The following CSRNP3 variants were observed in gnomAD, a reference collection of about 807,000 sequenced individuals.
The protein encoded by CSRNP3 is cysteine/serine-rich nuclear protein 3.
In CSRNP3, 12 loss-of-function variants were observed where a neutral mutation model predicts 48.0. The observed-to-expected ratio is 0.25, with a 90% CI of 0.16 to 0.41. The LOEUF is 0.41. Ranked by LOEUF, CSRNP3 falls within the 10% of genes least tolerant of loss-of-function variation. CSRNP3 has a pLI of 1.00. For missense variants in CSRNP3, 580 were observed against 724.4 expected (o/e 0.80, Z 2.29); for synonymous variants, 263 against 269.7 (o/e 0.98, Z 0.24).
At chr2:165,646,536 G>A (rs983914107) in intron 4 of CSRNP3, among the ~76,000 whole-genome samples, 4 of 152,158 alleles carry the variant, frequency 2.6e-5, no homozygotes, top group African/African-American at 9.7e-5. Context: ...CAGCAAAACA[G>A]GTTAGTAGAG....
chr2:165,479,123 A>C (rs1684005819), intron 1 of CSRNP3, among the ~76,000 whole-genome samples: 1 of 152,192 alleles, frequency 6.6e-6, no homozygotes, highest in Admixed American at 6.5e-5. Flanking sequence ...CAAAAATCAC[A>C]AATGAAATGT....
In CSRNP3 at chr2:165,482,586, G is replaced by C. The variant is rs1558912608; in HGVS notation, c.-282-12173G>C. On this transcript the variant is annotated intron_variant, in intron 1 of 6. Coordinates refer to ENST00000651982, the MANE Select transcript of CSRNP3 (RefSeq NM_001172173.2). ...AGTCAACAGATGTGCTTTTGCCTGA[G>C]GGATACAGATATCACCACAAATTCA... Among the ~76,000 whole-genome samples, 9 of 152,086 alleles carry C rather than the reference G, an allele frequency of 5.9e-5. No individual in the cohort carries two copies. In the South Asian group the frequency reaches 1.9e-3, roughly 32 times the overall value.
At chr2:165,668,217 C>A (rs1316296718) in intron 5 of CSRNP3, among the ~76,000 whole-genome samples, 1 of 152,016 alleles carries the variant, frequency 6.6e-6, no homozygotes, top group Non-Finnish European at 1.5e-5. Flanking sequence ...AAGAGTAATA[C>A]GTTAGCTCAA....
chr2:165,556,799 T>C (rs1163057401), intron 3 of CSRNP3, among the ~76,000 whole-genome samples: 2 of 152,186 alleles, frequency 1.3e-5, no homozygotes, highest in Non-Finnish European at 2.9e-5. Context: ...ACAATATCAA[T>C]ATAGCAATGC....
chr2:165,606,289 A>G (rs894803657), intron 4 of CSRNP3, among the ~76,000 whole-genome samples: 3 of 150,568 alleles, frequency 2.0e-5, no homozygotes, highest in Admixed American at 6.6e-5. Flanking sequence ...AAAAGGAGAT[A>G]TTTGTAAATC....
chr2:165,590,747 G>A (rs1158556574), intron 3 of CSRNP3, among the ~76,000 whole-genome samples: 2 of 152,164 alleles, frequency 1.3e-5, no homozygotes, highest in Non-Finnish European at 2.9e-5. Flanking sequence ...AGAAGGACGT[G>A]TTTGCTTCCC....
At chr2:165,618,205 AG>A (rs1247739047) in intron 4 of CSRNP3, among the ~76,000 whole-genome samples, 1 of 152,142 alleles carries the variant, frequency 6.6e-6, no homozygotes, top group African/African-American at 2.4e-5. Context: ...TGGTTTACTG[AG>A]GATCTCTCAC....
In CSRNP3 at chr2:165,683,568, C is replaced by T. The variant is rs527640071; in HGVS notation, c.*3815C>T. On this transcript the variant is annotated 3_prime_UTR_variant, in exon 7 of 7. Coordinates refer to ENST00000651982, the MANE Select transcript of CSRNP3 (RefSeq NM_001172173.2). ...TTGCTAATCACTGTTTCTTTTATTTCAATTTTTGATATTGTTGCACAAGTT... is the reference window on the plus strand; with the variant it reads ...TTGCTAATCACTGTTTCTTTTATTTTAATTTTTGATATTGTTGCACAAGTT... 1 of 152,142 alleles carries T rather than the reference C, an allele frequency of 6.6e-6. No homozygotes were observed. The highest frequency in any genetic ancestry group is 1.9e-4 in the East Asian group (1 of 5,178). The allele number at this position is 152,142 out of a possible 1,614,324, so 9.4% of individuals were successfully genotyped here.
At chr2:165,483,675 G>A (rs1233535569) in intron 1 of CSRNP3, among the ~76,000 whole-genome samples, 2 of 152,184 alleles carry the variant, frequency 1.3e-5, no homozygotes, top group Non-Finnish European at 2.9e-5. Flanking sequence ...GAGGATGGAA[G>A]TCCAAGATCA....
intron 3 of CSRNP3, among the ~76,000 whole-genome samples, chr2:165,560,003 G>A (rs1164479797): frequency 2.0e-5 from 3 of 151,704 alleles, no homozygotes; most frequent in African/African-American, 7.3e-5. Flanking sequence ...GTTTCACCAA[G>A]TTAGCCAGGA....
intron 5 of CSRNP3, among the ~76,000 whole-genome samples, chr2:165,660,432 A>G: frequency 6.6e-6 from 1 of 152,184 alleles, no homozygotes; most frequent in East Asian, 1.9e-4. Context: ...TCCTATAGGC[A>G]TTGAGAAAGA....
In CSRNP3 at chr2:165,676,649, G is replaced by A. The variant is rs1687430834; in HGVS notation, c.705+41G>A. 3.2e-6 allele frequency: 5 copies of A among 1,570,232 alleles called. No homozygotes were observed. In the East Asian group the frequency reaches 1.1e-4, roughly 35 times the overall value. On this transcript the variant is annotated intron_variant, in intron 6 of 6. Coordinates refer to ENST00000651982, the MANE Select transcript of CSRNP3 (RefSeq NM_001172173.2). Reference sequence around the variant, plus strand: ...TCAGGGCATCCAAAGACAAGACATTGTCTACCACCCCCTAAGGAGGCAGTC... The same window carrying A: ...TCAGGGCATCCAAAGACAAGACATTATCTACCACCCCCTAAGGAGGCAGTC...
At chr2:165,672,627 G>A (rs1687349941) in intron 5 of CSRNP3, among the ~76,000 whole-genome samples, 1 of 152,164 alleles carries the variant, frequency 6.6e-6, no homozygotes, top group South Asian at 2.1e-4. Flanking sequence ...CATCATGGAG[G>A]AAAGGAGTCA....
chr2:165,642,641 C>T (rs557811837), intron 4 of CSRNP3, among the ~76,000 whole-genome samples: 8 of 151,230 alleles, frequency 5.3e-5, no homozygotes, highest in South Asian at 2.1e-4. Flanking sequence ...CAGCTCACTG[C>T]GACCTCCGCC....
chr2:165,561,465 A>G (rs1387407792), intron 3 of CSRNP3, among the ~76,000 whole-genome samples: 1 of 152,074 alleles, frequency 6.6e-6, no homozygotes, highest in East Asian at 1.9e-4. Context: ...TTTTCAATTC[A>G]GTAATGATTC....
At chr2:165,534,598 A>G (rs555679137) in intron 3 of CSRNP3, among the ~76,000 whole-genome samples, 14 of 152,092 alleles carry the variant, frequency 9.2e-5, no homozygotes, top group Non-Finnish European at 1.9e-4. Context: ...ACTTCTGAAT[A>G]TCTATCAATA....
chr2:165,660,067 C>T (rs1687070847), intron 5 of CSRNP3, among the ~76,000 whole-genome samples: 1 of 152,162 alleles, frequency 6.6e-6, no homozygotes. Context: ...GCTTGCTCTG[C>T]ATGTAGCTTA....
At chr2:165,515,737 T>C (rs1461701067) in intron 2 of CSRNP3, among the ~76,000 whole-genome samples, 4 of 151,788 alleles carry the variant, frequency 2.6e-5, no homozygotes, top group Admixed American at 2.6e-4. Context: ...TTTATAGACA[T>C]ATGCAACTCA....
intron 3 of CSRNP3, among the ~76,000 whole-genome samples, chr2:165,564,264 T>C (rs1273581411): frequency 1.3e-5 from 2 of 151,994 alleles, no homozygotes; most frequent in African/African-American, 4.8e-5. Flanking sequence ...TTCCTTGATA[T>C]CTAAAAGCTT....
Sources: allele counts gnomAD v4.1 joint callset (sites outside exome capture counted in the v4.1 genomes callset), GRCh38; gene constraint gnomAD v4.1.1; transcripts MANE v1.5; gene names NCBI Gene and HGNC (gene_info 2026-07-23, HGNC 2026-07-21).